PKIB: variants seen among roughly 807,000 people sequenced by gnomAD.
The protein encoded by PKIB is cAMP-dependent protein kinase inhibitor beta, also known as PKI-beta.
PKIB carries 2 observed loss-of-function variants against 4.5 expected under a neutral mutation model. That is an observed-to-expected ratio of 0.44 (90% confidence interval 0.18 to 1.39). The LOEUF is 1.39. Among genes scored for constraint, PKIB ranks in the 40% most tolerant of loss-of-function variants. The probability of loss-of-function intolerance (pLI) is 0.27; values close to 1 mark genes in which losing one functional copy is unlikely to be tolerated. For synonymous variants in PKIB, 38 were observed against 36.0 expected, an observed-to-expected ratio of 1.06 and a Z score of -0.20; for missense variants, 94 against 92.6, an observed-to-expected ratio of 1.02 and a Z score of -0.06.
intron 3 of PKIB, among the ~76,000 whole-genome samples, chr6:122,708,830 T>C (rs1447199275): frequency 1.3e-5 from 2 of 151,992 alleles, no homozygotes; most frequent in African/African-American, 4.8e-5. Flanking sequence ...TACTGGCCAG[T>C]AGATATTGGC....
intron 3 of PKIB, among the ~76,000 whole-genome samples, chr6:122,599,832 C>G (rs1562265054): frequency 6.6e-6 from 1 of 152,004 alleles, no homozygotes; most frequent in South Asian, 2.1e-4. Context: ...ATTTTTGGGT[C>G]TAATCATATT....
intron 3 of PKIB, among the ~76,000 whole-genome samples, chr6:122,702,807 G>A (rs1261265033): frequency 1.3e-5 from 2 of 152,054 alleles, no homozygotes; most frequent in East Asian, 3.8e-4. Context: ...TTTTAGTACT[G>A]TGGCATAATG....
chr6:122,616,866 A>C (rs1775013080), intron 1 of PKIB, among the ~76,000 whole-genome samples: 1 of 152,146 alleles, frequency 6.6e-6, no homozygotes, highest in Non-Finnish European at 1.5e-5. Flanking sequence ...TTTATTCTCC[A>C]ATCTGTGAAG....
At chr6:122,686,187 A>G (rs2114986747) in intron 3 of PKIB, among the ~76,000 whole-genome samples, 1 of 152,312 alleles carries the variant, frequency 6.6e-6, no homozygotes, top group East Asian at 1.9e-4. Context: ...GGATTGCTAG[A>G]TCATATGGTA....
intron 1 of PKIB, among the ~76,000 whole-genome samples, chr6:122,477,386 A>T (rs1430453211): frequency 6.6e-6 from 1 of 152,190 alleles, no homozygotes; most frequent in Admixed American, 6.5e-5. Context: ...TGCTTTAGGT[A>T]TTGAACCTAA....
At chr6:122,521,942 C>G (rs559828132) in intron 2 of PKIB, among the ~76,000 whole-genome samples, 9 of 152,216 alleles carry the variant, frequency 5.9e-5, no homozygotes, top group African/African-American at 1.9e-4. Context: ...TCAAGGCTCT[C>G]GTCTCCTTTG....
chr6:122,500,021 A>G (rs1411340694), intron 2 of PKIB, among the ~76,000 whole-genome samples: 2 of 152,226 alleles, frequency 1.3e-5, no homozygotes, highest in Admixed American at 1.3e-4. Flanking sequence ...AAGGAAAACT[A>G]TGAAACACTG....
chr6:122,683,502 G>A (rs1777981003), intron 3 of PKIB, among the ~76,000 whole-genome samples: 1 of 152,148 alleles, frequency 6.6e-6, no homozygotes. Context: ...TTCTAGCATT[G>A]AGGATTACAA....
intron 2 of PKIB, among the ~76,000 whole-genome samples, chr6:122,566,656 T>G (rs1433522303): frequency 1.0e-5 from 1 of 98,542 alleles, no homozygotes. Flanking sequence ...CTTCCTGCCT[T>G]CCTTCCTTCC....
In PKIB at chr6:122,720,857, A is replaced by G. The variant is rs575691111; in HGVS notation, c.169+2894A>G. On this transcript the variant is annotated intron_variant, in intron 4 of 4. Transcript: ENST00000368452. ...GCTGGGATTACAGGTGCCCACCACC[A>G]CACGCTGCTAATATTTGTATTTTTA... Among the ~76,000 whole-genome samples, 6 of 152,098 alleles carry G rather than the reference A, an allele frequency of 3.9e-5. No homozygotes were observed. In the East Asian group the frequency reaches 1.2e-3, roughly 30 times the overall value.
chr6:122,584,799 TACTG>T (rs1773803706), intron 2 of PKIB, among the ~76,000 whole-genome samples: 1 of 152,108 alleles, frequency 6.6e-6, no homozygotes, highest in Non-Finnish European at 1.5e-5. Flanking sequence ...CACAAAGTGT[TACTG>T]AGATAGGACG....
intron 1 of PKIB, among the ~76,000 whole-genome samples, chr6:122,611,812 A>G (rs966887598): frequency 6.6e-6 from 1 of 152,206 alleles, no homozygotes; most frequent in Non-Finnish European, 1.5e-5. Context: ...GTTTGGTTAA[A>G]TCAGCAGTTT....
At chr6:122,718,031 A>G in intron 4 of PKIB, 68 bp downstream of exon 4, 2 of 1,492,896 alleles carry the variant, frequency 1.3e-6, no homozygotes, top group South Asian at 2.6e-5. Context: ...TTCTCTGGAC[A>G]GTCTTTCTTT....
At chr6:122,609,700 T>C, upstream of PKIB, among the ~76,000 whole-genome samples, 1 of 152,230 alleles carries the variant, frequency 6.6e-6, no homozygotes. Flanking sequence ...ATTAATTTTA[T>C]CAGCAGTATC....
At chr6:122,590,062 G>T (rs749878093) in intron 3 of PKIB, among the ~76,000 whole-genome samples, 1 of 152,082 alleles carries the variant, frequency 6.6e-6, no homozygotes, top group Admixed American at 6.6e-5. Context: ...ACAAAAGGGG[G>T]ATTTTAAATA....
At chr6:122,547,568 C>A (rs1405800031) in intron 2 of PKIB, among the ~76,000 whole-genome samples, 1 of 151,166 alleles carries the variant, frequency 6.6e-6, no homozygotes, top group Non-Finnish European at 1.5e-5. Context: ...GAACTCCTGA[C>A]CTCAGGTGAT....
intron 2 of PKIB, among the ~76,000 whole-genome samples, chr6:122,655,224 T>G (rs1156891088): frequency 6.6e-6 from 1 of 152,162 alleles, no homozygotes; most frequent in African/African-American, 2.4e-5. Context: ...CCTAAAAATG[T>G]GGCACAAAAA....
chr6:122,671,465 G>T (rs182431011), intron 2 of PKIB, among the ~76,000 whole-genome samples: 2 of 152,246 alleles, frequency 1.3e-5, no homozygotes, highest in East Asian at 3.9e-4. Flanking sequence ...AGACTGAAGT[G>T]TAAAAGCCTT....
intron 1 of PKIB, among the ~76,000 whole-genome samples, chr6:122,613,407 T>C (rs1445535806): frequency 6.6e-6 from 1 of 152,182 alleles, no homozygotes; most frequent in African/African-American, 2.4e-5. Context: ...TATTAGTAGA[T>C]TTAGGGATCT....
Sources: gnomAD v4.1 joint callset for allele counts (sites outside exome capture counted in the v4.1 genomes callset) on GRCh38, gnomAD v4.1.1 for gene constraint, MANE v1.5 for transcripts, NCBI Gene and HGNC (gene_info 2026-07-23, HGNC 2026-07-21) for gene names.